The following CPE variants were observed in gnomAD, a reference collection of about 807,000 sequenced individuals.
The protein encoded by CPE is carboxypeptidase E.
CPE carries 17 observed loss-of-function variants against 53.5 expected under a neutral mutation model. The observed-to-expected ratio is 0.32, with a 90% CI of 0.22 to 0.48. The LOEUF (loss-of-function observed/expected upper bound fraction) is 0.48. Ranked by LOEUF, CPE falls within the 20% of genes least tolerant of loss-of-function variation. The pLI is 0.99. For synonymous variants in CPE, 226 were observed against 228.8 expected (o/e 0.99, Z 0.11); for missense variants, 524 against 614.7 (o/e 0.85, Z 1.56).
In CPE at chr4:165,484,424, A is replaced by G; in HGVS notation, c.793A>G (p.Ser265Gly). 6.2e-7 allele frequency: 1 copy of G among 1,613,318 alleles called. No individual in the cohort carries two copies. The highest frequency in any genetic ancestry group is 8.5e-7 in the Non-Finnish European group (1 of 1,179,534). Residue 265 changes from serine (S) to glycine (G), a missense_variant and splice_region_variant, in exon 5 of 9, where the codon AGT (serine) becomes GGT (glycine). Ser to Gly is a moderately conservative substitution (Grantham distance 56). Transcript: ENST00000402744. ...AATCTTGTGGATTTGTTTTCTAGGT[A>G]GTGCTCACGAATACAGCTCCTCCCC... Reference protein sequence around the residue: ...NYPYDETRSGSAHEYSSSPDD... With the variant: ...NYPYDETRSGGAHEYSSSPDD...
intron 1 of CPE, among the ~76,000 whole-genome samples, chr4:165,447,448 G>A (rs1361733810): frequency 6.6e-6 from 1 of 152,046 alleles, no homozygotes; most frequent in Non-Finnish European, 1.5e-5. Context: ...GCGCATGCCT[G>A]TAATCCCAGC....
At chr4:165,396,886 C>CAAAA (rs34670477) in intron 1 of CPE, among the ~76,000 whole-genome samples, 27 of 124,980 alleles carry the variant, frequency 2.2e-4, no homozygotes, top group Non-Finnish European at 3.1e-4. Flanking sequence ...CCTGTCGCCA[C>CAAAA]AAAAAAAAAA....
chr4:165,436,642 A>G (rs926062837), intron 1 of CPE, among the ~76,000 whole-genome samples: 1 of 152,180 alleles, frequency 6.6e-6, no homozygotes, highest in African/African-American at 2.4e-5. Context: ...TTTTGGAAGA[A>G]TCATTTCTGG....
chr4:165,494,574 A>T (rs972393961), intron 7 of CPE, among the ~76,000 whole-genome samples: 2 of 152,236 alleles, frequency 1.3e-5, no homozygotes, highest in Non-Finnish European at 2.9e-5. Flanking sequence ...CCTTGGATTT[A>T]GCAGTTCAGA....
rs770968886 is a variant in CPE, at chr4:165,467,646, T to G, written c.505-42T>G. ...CCTTAAATAGAAAGTGACATAATAA[T>G]AAGCAACTAATGATTTTTCTCTTTG... On this transcript the variant is annotated intron_variant, in intron 2 of 8. Coordinates refer to ENST00000402744, the MANE Select transcript of CPE (RefSeq NM_001873.4). 4 of 1,548,424 alleles carry G rather than the reference T, an allele frequency of 2.6e-6. No homozygotes were observed. In the African/African-American group the frequency reaches 4.2e-5, roughly 16 times the overall value.
At chr4:165,388,042 T>C (rs1194799920) in intron 1 of CPE, among the ~76,000 whole-genome samples, 1 of 152,248 alleles carries the variant, frequency 6.6e-6, no homozygotes. Context: ...TGATGCTGAC[T>C]GATTGGACCT....
At chr4:165,400,157 T>C (rs1424001345) in intron 1 of CPE, among the ~76,000 whole-genome samples, 1 of 152,194 alleles carries the variant, frequency 6.6e-6, no homozygotes, top group Non-Finnish European at 1.5e-5. Flanking sequence ...TTGACATATT[T>C]AGGGAGGTGT....
intron 1 of CPE, among the ~76,000 whole-genome samples, chr4:165,440,627 C>T (rs1477156406): frequency 1.3e-5 from 2 of 151,992 alleles, no homozygotes; most frequent in South Asian, 2.1e-4. Flanking sequence ...ATTTTTTCCT[C>T]GTACCTTCCC....
intron 1 of CPE, among the ~76,000 whole-genome samples, chr4:165,440,318 A>G (rs1731585748): frequency 6.6e-6 from 1 of 152,218 alleles, no homozygotes; most frequent in South Asian, 2.1e-4. Flanking sequence ...TCTAGAAGTT[A>G]GATCAGTTTG....
Position 165,379,339 on chromosome 4 carries a change from C to T in CPE, c.118C>T (p.Arg40Cys), listed in dbSNP as rs1373199922. The T allele has an allele frequency of 6.3e-7, 1 of 1,580,512 alleles. No individual in the cohort carries two copies. The highest frequency in any genetic ancestry group is 8.6e-7 in the Non-Finnish European group (1 of 1,167,870). The change falls in exon 1 of 9, where the codon CGC becomes TGC. Residue 40 changes from arginine to cysteine, a missense_variant. Transcript: ENST00000402744. This position sits in a 1 kb window ranked among gnomAD's most constrained non-coding sequence, Gnocchi z 6.0. ...GGCGCCCGCGGCGGGCATGAGGCGG[C>T]GCCGGCGGCTGCAGCAAGAGGACGG... ...PGAPAAGMRR[R>C]RRLQQEDGIS...
At chr4:165,443,698 G>T (rs528382066) in intron 1 of CPE, among the ~76,000 whole-genome samples, 8 of 152,306 alleles carry the variant, frequency 5.3e-5, no homozygotes, top group South Asian at 2.1e-4. Context: ...AACTGCCTAT[G>T]TAAAGGCCTT....
chr4:165,409,675 T>C (rs2126667035), intron 1 of CPE, among the ~76,000 whole-genome samples: 1 of 152,310 alleles, frequency 6.6e-6, no homozygotes, highest in South Asian at 2.1e-4. Flanking sequence ...TATCAATGCT[T>C]TCCTAAGAAA....
At chr4:165,415,270 G>A (rs1391430268) in intron 1 of CPE, 2 of 167,022 alleles carry the variant, frequency 1.2e-5, no homozygotes, top group African/African-American at 4.8e-5. Context: ...TCTGTCATTT[G>A]TAGGATCTAC....
intron 1 of CPE, chr4:165,414,969 G>T (rs537729006): frequency 6.6e-6 from 1 of 152,524 alleles, no homozygotes; most frequent in Non-Finnish European, 1.5e-5. Context: ...CCAGATGAAT[G>T]AGTTGTCTCA....
At chr4:165,433,632 G>A (rs1579259535) in intron 1 of CPE, among the ~76,000 whole-genome samples, 1 of 152,162 alleles carries the variant, frequency 6.6e-6, no homozygotes, top group Non-Finnish European at 1.5e-5. Flanking sequence ...ATAGGAGAAA[G>A]CAGCCATAGC....
intron 7 of CPE, among the ~76,000 whole-genome samples, chr4:165,494,074 CT>C (rs1450672041): frequency 6.6e-6 from 1 of 152,070 alleles, no homozygotes; most frequent in Non-Finnish European, 1.5e-5. Flanking sequence ...ACATTTATAG[CT>C]TGGATTAAAA....
Position 165,478,466 on chromosome 4 carries a change from C to T in CPE, c.673-3776C>T, listed in dbSNP as rs72976156. Among the ~76,000 whole-genome samples the T allele has an allele frequency of 8.9e-3, 1,351 of 152,234 alleles. 30 individuals are homozygous for T. Among genetic ancestry groups the T allele is most frequent in the African/African-American group, 0.031 (1,296 of 41,530 alleles). On this transcript the variant is annotated intron_variant, in intron 3 of 8. Transcript: ENST00000402744. ...ATGTAAGAACTAGTAATAGGCTAAA[C>T]CTGATAGCTTCACACAACTTTGTGT...
intron 3 of CPE, among the ~76,000 whole-genome samples, chr4:165,481,184 G>T (rs57612362): frequency 6.6e-6 from 1 of 151,870 alleles, no homozygotes; most frequent in Non-Finnish European, 1.5e-5. Flanking sequence ...GTGAGCCTTA[G>T]GGTTTCACTG....
chr4:165,467,927 C>G, intron 3 of CPE, 72 bp downstream of exon 3: 5 of 1,483,464 alleles, frequency 3.4e-6, no homozygotes, highest in Non-Finnish European at 4.6e-6. Flanking sequence ...TCTTCATCAT[C>G]ATGAAGGACA....
Sources: gnomAD v4.1 joint callset for allele counts (sites outside exome capture counted in the v4.1 genomes callset) on GRCh38, gnomAD v4.1.1 for gene constraint, Gnocchi (gnomAD v3.1) non-coding constraint, MANE v1.5 for transcripts, NCBI Gene and HGNC (gene_info 2026-07-23, HGNC 2026-07-21) for gene names.